The following SND1 variants were observed in gnomAD, a reference collection of about 807,000 sequenced individuals.
SND1 encodes staphylococcal nuclease domain-containing protein 1.
A neutral mutation model predicts 121.7 loss-of-function variants in SND1; 38 were observed. The ratio of observed to expected loss-of-function variants is 0.31; its 90% CI spans 0.24 to 0.41. The LOEUF (loss-of-function observed/expected upper bound fraction) is 0.41. Ranked by LOEUF, SND1 falls within the 10% of genes least tolerant of loss-of-function variation. The probability of loss-of-function intolerance (pLI) is 1.00; values close to 1 mark genes in which losing one functional copy is unlikely to be tolerated. For missense variants in SND1, 868 were observed against 1,184.6 expected (o/e 0.73, Z 3.92); for synonymous variants, 401 against 447.4 (o/e 0.90, Z 1.31).
At chr7:127,709,454 G>A (rs575941340) in intron 9 of SND1, among the ~76,000 whole-genome samples, 2 of 152,172 alleles carry the variant, frequency 1.3e-5, no homozygotes, top group African/African-American at 2.4e-5. Flanking sequence ...AACTGAGTTT[G>A]TAGAAAAACC....
chr7:127,660,009 CTT>C (rs58679623), intron 1 of SND1, among the ~76,000 whole-genome samples: 1,659 of 133,728 alleles, frequency 0.012, 9 homozygotes, highest in African/African-American at 0.019. Flanking sequence ...TGTTCCTATT[CTT>C]TTTTTTTTTT....
rs781407519 is a variant in SND1 at position 127,702,504 on chromosome 7, C to T, written c.659C>T (p.Thr220Ile). ...ALLLPDYYLVTVMLSGIKCPT... is the reference protein window; with the variant it reads ...ALLLPDYYLVIVMLSGIKCPT... ...CTCCTCCCAGATTACTACCTGGTTA[C>T]AGTCATGCTGTCAGGCATCAAGGTC... The change falls in exon 6 of 24, where the codon ACA becomes ATA. Residue 220 changes from threonine (T) to isoleucine (I), a missense_variant. Around this residue, in one of 2 missense-constraint regions of SND1, gnomAD observed 743 missense variants for 1,071.3 expected, o/e 0.69. Transcript: ENST00000354725. 1.9e-6 allele frequency: 3 copies of T among 1,614,082 alleles called. No homozygotes were observed. The highest frequency in any genetic ancestry group is 1.3e-5 in the African/African-American group (1 of 75,030).
In SND1 at chr7:127,703,249, C is replaced by T. The variant is rs745326617; in HGVS notation, c.766C>T (p.Leu256=). 1.9e-6 allele frequency: 3 copies of T among 1,614,160 alleles called. No homozygotes were observed. The South Asian group carries it at 3.3e-5, about 18-fold the overall frequency. ...AEAKFFTESR[L]LQRDVQIILE... is the part of the protein sequence containing the mutation. Reference sequence around the variant, plus strand: ...AGCCAAATTTTTCACTGAGTCGCGACTGCTTCAGAGAGATGTTCAGATCAT... The same window carrying T: ...AGCCAAATTTTTCACTGAGTCGCGATTGCTTCAGAGAGATGTTCAGATCAT... Residue 256 remains leucine, a synonymous_variant, in exon 7 of 24, where the codon CTG becomes TTG. Transcript: ENST00000354725.
intron 12 of SND1, among the ~76,000 whole-genome samples, chr7:127,868,059 T>C (rs913925197): frequency 9.8e-5 from 15 of 152,296 alleles, no homozygotes; most frequent in Admixed American, 2.6e-4. Context: ...GTGCATCTTG[T>C]GTGTGTCTTC....
At chr7:128,010,190 TTCAACA>T (rs1276703666) in intron 16 of SND1, among the ~76,000 whole-genome samples, 1 of 152,240 alleles carries the variant, frequency 6.6e-6, no homozygotes, top group Non-Finnish European at 1.5e-5. Flanking sequence ...CCATAGCTCT[TTCAACA>T]CTTGTTGAAT....
At chr7:127,934,617 G>A (rs781705932) in intron 15 of SND1, among the ~76,000 whole-genome samples, 2 of 152,044 alleles carry the variant, frequency 1.3e-5, no homozygotes, top group South Asian at 2.1e-4. Context: ...GGAGTGGGGG[G>A]TGGTGTTGAG....
chr7:127,776,142 A>G (rs1409204551), intron 10 of SND1, among the ~76,000 whole-genome samples: 1 of 152,188 alleles, frequency 6.6e-6, no homozygotes, highest in Non-Finnish European at 1.5e-5. Flanking sequence ...CTGTTCAAAA[A>G]AGCAGTTTGT....
intron 9 of SND1, among the ~76,000 whole-genome samples, chr7:127,717,153 C>T (rs559733221): frequency 1.2e-4 from 19 of 152,258 alleles, no homozygotes; most frequent in Admixed American, 9.2e-4. Flanking sequence ...ACCCTCAGCC[C>T]AGTTTCCTCT....
At chr7:127,677,093 C>T (rs1795630308) in intron 1 of SND1, among the ~76,000 whole-genome samples, 1 of 152,096 alleles carries the variant, frequency 6.6e-6, no homozygotes, top group African/African-American at 2.4e-5. Flanking sequence ...TTCTATTGTA[C>T]ATACTCTTCC....
intron 13 of SND1, among the ~76,000 whole-genome samples, chr7:127,901,780 A>G (rs1800236836): frequency 6.6e-6 from 1 of 152,222 alleles, no homozygotes; most frequent in African/African-American, 2.4e-5. Flanking sequence ...CCAGAAATTG[A>G]TAAGAGTTTA....
At chr7:127,932,857 T>A (rs889283946) in intron 15 of SND1, among the ~76,000 whole-genome samples, 8 of 152,226 alleles carry the variant, frequency 5.3e-5, no homozygotes, top group African/African-American at 1.9e-4. Flanking sequence ...CACTTTTATA[T>A]GCCCTGGGAA....
chr7:127,970,561 T>G (rs568173097), intron 15 of SND1, among the ~76,000 whole-genome samples: 1 of 152,264 alleles, frequency 6.6e-6, no homozygotes, highest in Non-Finnish European at 1.5e-5. Context: ...TTTCTCAAGT[T>G]TTTTTTTAAG....
chr7:127,725,223 A>G (rs905765961), intron 10 of SND1, among the ~76,000 whole-genome samples: 2 of 152,200 alleles, frequency 1.3e-5, no homozygotes, highest in African/African-American at 2.4e-5. Flanking sequence ...TTCATTTACT[A>G]CGTACCAGCT....
chr7:128,029,954 G>C lies in SND1; in HGVS notation c.1779+38898G>C. On this transcript the variant is annotated intron_variant, in intron 16 of 23. Transcript: ENST00000354725. The surrounding 1 kb of genome is among the most constrained non-coding windows in gnomAD (Gnocchi z 4.2). ...AGGAGCCAGGCCTGATCTCAGGGAA[G>C]TGGTTCCCTGACATCTCCAGCTCCT... The C allele has an allele frequency of 6.2e-7, 1 of 1,613,190 alleles. No individual in the cohort carries two copies. Among genetic ancestry groups the C allele is most frequent in the East Asian group, 2.2e-5 (1 of 44,886 alleles).
intron 16 of SND1, chr7:128,030,164 G>C: frequency 6.2e-7 from 1 of 1,614,214 alleles, no homozygotes; most frequent in Non-Finnish European, 8.5e-7. Flanking sequence ...GGATGCTTTC[G>C]ATGGGGTTGT....
In SND1 at chr7:128,052,522, C is replaced by T. The variant is rs1172754441; in HGVS notation, c.1780-21980C>T. Among the ~76,000 whole-genome samples, 1 of 152,220 alleles carries T rather than the reference C, an allele frequency of 6.6e-6. No homozygotes were observed. The highest frequency in any genetic ancestry group is 1.5e-5 in the Non-Finnish European group (1 of 68,038). ...CATCTGCTGAAAGGGGTGTAGTCAT[C>T]CTGGCCCCAGACAGAGCTGTCTTCC... On this transcript the variant is annotated intron_variant, in intron 16 of 23. Transcript: ENST00000354725. The surrounding 1 kb of genome is among the most constrained non-coding windows in gnomAD (Gnocchi z 4.6).
chr7:127,875,947 C>G (rs1359578782), intron 12 of SND1, among the ~76,000 whole-genome samples: 1 of 152,100 alleles, frequency 6.6e-6, no homozygotes, highest in Non-Finnish European at 1.5e-5. Flanking sequence ...TGTAACCTTT[C>G]TGTGCTTCAG....
intron 13 of SND1, among the ~76,000 whole-genome samples, chr7:127,893,692 C>T (rs951142938): frequency 2.0e-5 from 3 of 152,034 alleles, no homozygotes; most frequent in African/African-American, 7.2e-5. Flanking sequence ...AAAGGGCAGG[C>T]TCTCTCTTAT....
intron 10 of SND1, among the ~76,000 whole-genome samples, chr7:127,769,835 C>T (rs1337869274): frequency 6.6e-6 from 1 of 152,228 alleles, no homozygotes; most frequent in Non-Finnish European, 1.5e-5. Flanking sequence ...TTGTAGCCCA[C>T]TGCTGGAGTG....
Sources: allele counts gnomAD v4.1 joint callset (sites outside exome capture counted in the v4.1 genomes callset), GRCh38; gene constraint gnomAD v4.1.1; regional missense constraint gnomAD v4.1.1; non-coding constraint Gnocchi (gnomAD v3.1); transcripts MANE v1.5; gene names NCBI Gene and HGNC (gene_info 2026-07-23, HGNC 2026-07-21).